Variants in NPR3 observed in about 807,000 individuals in gnomAD.
The protein encoded by NPR3 is natriuretic peptide receptor 3.
Under a neutral mutation model 54.5 loss-of-function variants are expected in NPR3, and 34 were observed. The ratio of observed to expected loss-of-function variants is 0.62; its 90% CI spans 0.47 to 0.83. The LOEUF (loss-of-function observed/expected upper bound fraction) is 0.83, where lower values mean the gene tolerates loss of function less well. Among genes scored for constraint, NPR3 ranks in the 40% least tolerant of loss-of-function variants. The probability of loss-of-function intolerance (pLI) is 0.00; values close to 1 mark genes in which losing one functional copy is unlikely to be tolerated. For synonymous variants in NPR3, 289 were observed against 297.1 expected (o/e 0.97, Z 0.28); for missense variants, 674 against 720.8 (o/e 0.94, Z 0.74).
At chr5:32,776,242 C>T (rs1742040743) in intron 4 of NPR3, among the ~76,000 whole-genome samples, 1 of 152,134 alleles carries the variant, frequency 6.6e-6, no homozygotes, top group Non-Finnish European at 1.5e-5. Flanking sequence ...CTCATAGATC[C>T]AATGCAGTTT....
intron 3 of NPR3, among the ~76,000 whole-genome samples, chr5:32,769,045 G>C (rs912883390): frequency 3.3e-5 from 5 of 152,158 alleles, no homozygotes; most frequent in Admixed American, 3.3e-4. Flanking sequence ...ACGTCATCAA[G>C]TGACCAAGTG....
rs777831388 is a variant in NPR3 at position 32,712,513 on chromosome 5, A to G, written c.737A>G (p.Asp246Gly). The G allele has an allele frequency of 6.5e-7, 1 of 1,542,150 alleles. No homozygotes were observed. The highest frequency in any genetic ancestry group is 2.3e-5 in the East Asian group (1 of 44,148). Residue 246 changes from aspartate to glycine, a missense_variant, in exon 1 of 8, where the codon GAC (aspartate) becomes GGC (glycine). Coordinates refer to ENST00000265074, the MANE Select transcript of NPR3 (RefSeq NM_001204375.2). ...FDETKDLDLEDIVRNIQASER... is the reference protein window; with the variant it reads ...FDETKDLDLEGIVRNIQASER... ...GAGACCAAAGACTTGGATCTGGAAG[A>G]CATCGTGCGCAATATCCAGGCCAGT...
Position 32,721,285 on chromosome 5 carries a change from C to T in NPR3, c.770-3413C>T, listed in dbSNP as rs573343128. ...ATGGCCAACACAAAATGGATAAGAT[C>T]TAAAATAATCAAAATCTGCTTAGAT... On this transcript the variant is annotated intron_variant, in intron 1 of 7. Transcript: ENST00000265074. Among the ~76,000 whole-genome samples the T allele has an allele frequency of 6.8e-4, 104 of 152,306 alleles. 1 individual carries two copies. Among genetic ancestry groups the T allele is most frequent in the African/African-American group, 2.4e-3 (100 of 41,554 alleles).
At chr5:32,714,718 C>T (rs1319581073) in intron 1 of NPR3, among the ~76,000 whole-genome samples, 1 of 152,172 alleles carries the variant, frequency 6.6e-6, no homozygotes, top group African/African-American at 2.4e-5. Flanking sequence ...CCCGAAATTC[C>T]TTACACTCGA....
chr5:32,724,655 C>G, intron 1 of NPR3, 43 bp from the exon 2 acceptor site: 1 of 1,612,008 alleles, frequency 6.2e-7, no homozygotes, highest in Non-Finnish European at 8.5e-7. Flanking sequence ...TCGAAGTGCT[C>G]TGCAAAGGGG....
intron 3 of NPR3, among the ~76,000 whole-genome samples, chr5:32,750,246 A>T (rs1415965170): frequency 2.0e-5 from 3 of 152,170 alleles, no homozygotes; most frequent in East Asian, 1.9e-4. Flanking sequence ...CTCCTGCTTC[A>T]GCCTCCCGTG....
upstream of NPR3, among the ~76,000 whole-genome samples, chr5:32,706,838 C>T (rs1480327821): frequency 6.6e-6 from 1 of 151,968 alleles, no homozygotes; most frequent in Non-Finnish European, 1.5e-5. Flanking sequence ...TTCCAGGACC[C>T]TTGGTTTTTT....
intron 1 of NPR3, among the ~76,000 whole-genome samples, chr5:32,703,679 A>T (rs1402471783): frequency 6.6e-6 from 1 of 152,208 alleles, no homozygotes; most frequent in Non-Finnish European, 1.5e-5. Flanking sequence ...TGGGGGCCTC[A>T]GGACTCCTTT....
At chr5:32,719,902 T>C (rs1223523569) in intron 1 of NPR3, among the ~76,000 whole-genome samples, 1 of 151,876 alleles carries the variant, frequency 6.6e-6, no homozygotes, top group Admixed American at 6.6e-5. Context: ...CATGGCATAC[T>C]CTGCTTTGCT....
chr5:32,771,967 A>T (rs550185623), intron 3 of NPR3, among the ~76,000 whole-genome samples: 144 of 152,314 alleles, frequency 9.5e-4, no homozygotes, highest in Middle Eastern at 3.4e-3. Flanking sequence ...TTAAAAAAAA[A>T]AAGTGAACTG....
upstream of NPR3, among the ~76,000 whole-genome samples, chr5:32,708,452 T>C (rs1174505653): frequency 1.3e-5 from 2 of 152,112 alleles, no homozygotes; most frequent in African/African-American, 4.8e-5. Context: ...TATATATATA[T>C]ATAAAAATTT....
At chr5:32,720,736 C>T (rs1358485810) in intron 1 of NPR3, among the ~76,000 whole-genome samples, 1 of 152,100 alleles carries the variant, frequency 6.6e-6, no homozygotes, top group African/African-American at 2.4e-5. Flanking sequence ...AATTAACCTC[C>T]ACTTATGCAG....
chr5:32,760,532 C>T (rs1741111141), intron 3 of NPR3, among the ~76,000 whole-genome samples: 1 of 152,014 alleles, frequency 6.6e-6, no homozygotes. Context: ...TAAAAATTAG[C>T]CTGTCTTTTT....
intron 4 of NPR3, 93 bp from the exon 5 acceptor site, chr5:32,780,629 T>TA: frequency 5.2e-6 from 4 of 774,252 alleles, no homozygotes; most frequent in South Asian, 1.4e-5. Flanking sequence ...TGAGTTTGTT[T>TA]AAAAAATCCT....
intron 4 of NPR3, among the ~76,000 whole-genome samples, chr5:32,776,673 T>C (rs1742064339): frequency 6.6e-6 from 1 of 152,142 alleles, no homozygotes; most frequent in Non-Finnish European, 1.5e-5. Flanking sequence ...ATTCAACAAA[T>C]GTTCATTGAG....
rs370337600 is a variant in NPR3 at position 32,744,139 on chromosome 5, C to G, written c.1059+5109C>G. Among the ~76,000 whole-genome samples the G allele has an allele frequency of 2.0e-5, 3 of 151,858 alleles. No individual in the cohort carries two copies. In the East Asian group the frequency reaches 5.8e-4, roughly 29 times the overall value. ...TCCCAAGTAGCTGAGATTACAGGCA[C>G]GTGCCGCCACGCCTGGCTAATTTTT... On this transcript the variant is annotated intron_variant, in intron 3 of 7. Coordinates refer to ENST00000265074, the MANE Select transcript of NPR3 (RefSeq NM_001204375.2).
intron 3 of NPR3, among the ~76,000 whole-genome samples, chr5:32,755,235 T>C (rs914161211): frequency 5.3e-5 from 8 of 152,212 alleles, no homozygotes; most frequent in Non-Finnish European, 1.0e-4. Context: ...TTGCCACACA[T>C]ATTATATTCA....
At chr5:32,778,914 T>C (rs539526806) in intron 4 of NPR3, among the ~76,000 whole-genome samples, 1 of 152,308 alleles carries the variant, frequency 6.6e-6, no homozygotes, top group East Asian at 1.9e-4. Flanking sequence ...GGATAGCCAA[T>C]ATACAAATAT....
At chr5:32,758,530 T>C (rs1018851631) in intron 3 of NPR3, among the ~76,000 whole-genome samples, 36 of 152,180 alleles carry the variant, frequency 2.4e-4, no homozygotes, top group Non-Finnish European at 4.3e-4. Context: ...TCTATCAATT[T>C]TGTTGATCTT....
Sources: gnomAD v4.1 joint callset for allele counts (sites outside exome capture counted in the v4.1 genomes callset) on GRCh38, gnomAD v4.1.1 for gene constraint, MANE v1.5 for transcripts, NCBI Gene and HGNC (gene_info 2026-07-23, HGNC 2026-07-21) for gene names.